Variants in SLC41A2 observed in about 807,000 individuals in gnomAD.
The protein encoded by SLC41A2 is solute carrier family 41 member 2, also known as SLC41A1-like 1.
SLC41A2 carries 32 observed loss-of-function variants against 58.3 expected under a neutral mutation model. The ratio of observed to expected loss-of-function variants is 0.55; its 90% confidence interval spans 0.41 to 0.74. The LOEUF (loss-of-function observed/expected upper bound fraction) is 0.74. Among genes scored for constraint, SLC41A2 ranks in the 30% least tolerant of loss-of-function variants. The pLI, the probability that SLC41A2 is intolerant of heterozygous loss-of-function variation, is 0.00. For missense variants in SLC41A2, 514 were observed against 680.6 expected (o/e 0.76, Z 2.72); for synonymous variants, 190 against 235.0 (o/e 0.81, Z 1.75).
Position 104,804,142 on chromosome 12 carries a change from C to CAAAAAAAAAA in SLC41A2, c.*1000_*1009dup. The CAAAAAAAAAA allele has an allele frequency of 1.6e-5, 1 of 61,394 alleles. No individual in the cohort carries two copies. Among genetic ancestry groups the CAAAAAAAAAA allele is most frequent in the Non-Finnish European group, 2.9e-5 (1 of 34,124 alleles). The allele number at this position is 61,394 out of a possible 1,614,324, so 3.8% of individuals were successfully genotyped here. On this transcript the variant is annotated 3_prime_UTR_variant, in exon 11 of 11. Transcript: ENST00000258538. Reference sequence around the variant, plus strand: ...TGGGCGACAGAGCAAGACTCTGTCTCAAAAAAAAAAAAAAAAAAAAAAAAA... The same window carrying CAAAAAAAAAA: ...TGGGCGACAGAGCAAGACTCTGTCTCAAAAAAAAAAAAAAAAAAAAAAAAAAAAAAAAAAA...
intron 2 of SLC41A2, among the ~76,000 whole-genome samples, chr12:104,925,643 T>C (rs553149657): frequency 2.0e-5 from 3 of 152,346 alleles, no homozygotes; most frequent in African/African-American, 7.2e-5. Flanking sequence ...GGGCTAGCAC[T>C]GTAAAAGTTC....
chr12:104,918,426 T>C (rs1593140247), intron 2 of SLC41A2, among the ~76,000 whole-genome samples: 1 of 152,308 alleles, frequency 6.6e-6, no homozygotes, highest in South Asian at 2.1e-4. Flanking sequence ...AGATTAATTA[T>C]GATACATCCT....
At chr12:104,816,784 G>A (rs906129944) in intron 10 of SLC41A2, among the ~76,000 whole-genome samples, 1 of 152,286 alleles carries the variant, frequency 6.6e-6, no homozygotes. Context: ...AACTACCTAT[G>A]TGGTCTAACA....
intron 1 of SLC41A2, among the ~76,000 whole-genome samples, chr12:104,953,387 A>C (rs927718445): frequency 2.6e-5 from 4 of 152,244 alleles, no homozygotes; most frequent in Admixed American, 6.5e-5. Context: ...TCCTCTAAGT[A>C]GGAGAAAACA....
intron 1 of SLC41A2, among the ~76,000 whole-genome samples, chr12:104,932,592 T>A (rs1372292551): frequency 1.5e-5 from 2 of 131,094 alleles, no homozygotes; most frequent in East Asian, 4.8e-4. Context: ...CTCACTGCAG[T>A]CCAGCCTGGG....
chr12:104,929,429 C>T (rs1057424344), intron 1 of SLC41A2, among the ~76,000 whole-genome samples: 45 of 152,212 alleles, frequency 3.0e-4, no homozygotes, highest in African/African-American at 1.1e-3. Flanking sequence ...GCTTGTAACG[C>T]ACTTATTTAT....
In SLC41A2 at chr12:104,853,722, T is replaced by C. The variant is rs547440925; in HGVS notation, c.1255+7569A>G. Reference sequence around the variant, plus strand: ...TTTTTTAAATAAATGTATGTATGTATGTATGTATGTATGTATGTATGTATG... The same window carrying C: ...TTTTTTAAATAAATGTATGTATGTACGTATGTATGTATGTATGTATGTATG... On this transcript the variant is annotated intron_variant, in intron 8 of 10. Coordinates refer to ENST00000258538, the MANE Select transcript of SLC41A2 (RefSeq NM_001352171.3). 5.7e-5 allele frequency among the ~76,000 whole-genome samples: 8 copies of C among 141,436 alleles called. No individual in the cohort carries two copies. In the East Asian group the frequency reaches 5.9e-4, roughly 10 times the overall value. The allele number at this position is 141,436 out of a possible 152,430, so 92.8% of individuals were successfully genotyped here.
At chr12:104,853,926 T>TTTTTA (rs2042917141) in intron 8 of SLC41A2, among the ~76,000 whole-genome samples, 19 of 118,850 alleles carry the variant, frequency 1.6e-4, no homozygotes, top group African/African-American at 5.5e-4. Context: ...TTTTTTTTTT[T>TTTTTA]TTTTTTTTTT....
intron 6 of SLC41A2, among the ~76,000 whole-genome samples, chr12:104,875,727 A>AGGCT (rs753915251): frequency 2.6e-5 from 4 of 152,202 alleles, no homozygotes; most frequent in African/African-American, 4.8e-5. Context: ...AAGGAGTTCA[A>AGGCT]GGCTGCAGTG....
chr12:104,818,776 T>C lies in SLC41A2; in HGVS notation c.1537-13439A>G, dbSNP rs143037559. Reference sequence around the variant, plus strand: ...CCTGTAATCCCAGCTACTCGGGAGGTTGAGGCAGGAGAATTGTTTGAACCC... The same window carrying C: ...CCTGTAATCCCAGCTACTCGGGAGGCTGAGGCAGGAGAATTGTTTGAACCC... On this transcript the variant is annotated intron_variant, in intron 10 of 10. Coordinates refer to ENST00000258538, the MANE Select transcript of SLC41A2 (RefSeq NM_001352171.3). Among the ~76,000 whole-genome samples the C allele has an allele frequency of 3.1e-3, 470 of 151,304 alleles. 11 individuals carry two copies. In the East Asian group the frequency reaches 0.05, roughly 16 times the overall value.
intron 10 of SLC41A2, among the ~76,000 whole-genome samples, chr12:104,837,145 A>G (rs1413166824): frequency 6.6e-6 from 1 of 152,150 alleles, no homozygotes; most frequent in Non-Finnish European, 1.5e-5. Flanking sequence ...TGACTTAGCA[A>G]AAGTCATAAA....
chr12:104,872,231 T>C (rs2043818484), intron 6 of SLC41A2, among the ~76,000 whole-genome samples: 1 of 152,178 alleles, frequency 6.6e-6, no homozygotes, highest in Non-Finnish European at 1.5e-5. Context: ...CCGCGAGGCC[T>C]AAATACCAGG....
chr12:104,824,569 C>T (rs1441845598), intron 10 of SLC41A2, among the ~76,000 whole-genome samples: 2 of 152,218 alleles, frequency 1.3e-5, no homozygotes, highest in Non-Finnish European at 2.9e-5. Flanking sequence ...TACACCAAGA[C>T]AAGAACCCAG....
chr12:104,943,585 C>T (rs2047595292), intron 1 of SLC41A2, among the ~76,000 whole-genome samples: 1 of 152,220 alleles, frequency 6.6e-6, no homozygotes. Flanking sequence ...ATGTTAATGA[C>T]ATCGAAGGCA....
chr12:104,946,065 ATT>A (rs1205065211), intron 1 of SLC41A2, among the ~76,000 whole-genome samples: 1 of 152,166 alleles, frequency 6.6e-6, no homozygotes, highest in African/African-American at 2.4e-5. Flanking sequence ...AAACATTAAA[ATT>A]TTTTTATCTT....
At chr12:104,907,285 C>A (rs1473302715) in intron 3 of SLC41A2, among the ~76,000 whole-genome samples, 2 of 145,514 alleles carry the variant, frequency 1.4e-5, no homozygotes, top group African/African-American at 5.1e-5. Context: ...GTATACTTTT[C>A]TGCTTCAGCC....
chr12:104,816,328 T>C (rs1395081273), intron 10 of SLC41A2, among the ~76,000 whole-genome samples: 2 of 152,140 alleles, frequency 1.3e-5, no homozygotes, highest in African/African-American at 4.8e-5. Context: ...CAGAAAACGA[T>C]GTAAAATGTT....
At chr12:104,918,359 G>A (rs2135826473) in intron 2 of SLC41A2, among the ~76,000 whole-genome samples, 1 of 152,084 alleles carries the variant, frequency 6.6e-6, no homozygotes, top group South Asian at 2.1e-4. Flanking sequence ...CTTCATCATT[G>A]TTCATAACAG....
intron 10 of SLC41A2, among the ~76,000 whole-genome samples, chr12:104,836,018 A>G (rs2136297459): frequency 6.6e-6 from 1 of 152,196 alleles, no homozygotes; most frequent in South Asian, 2.1e-4. Flanking sequence ...CTAATTTTGT[A>G]TTTTTAGTAG....
Sources: gnomAD v4.1 joint callset for allele counts (sites outside exome capture counted in the v4.1 genomes callset) on GRCh38, gnomAD v4.1.1 for gene constraint, MANE v1.5 for transcripts, NCBI Gene and HGNC (gene_info 2026-07-23, HGNC 2026-07-21) for gene names.